JAK1: variants seen among roughly 807,000 people sequenced by gnomAD.
JAK1 encodes tyrosine-protein kinase JAK1.
Under a neutral mutation model 136.6 loss-of-function variants are expected in JAK1, and 16 were observed. The ratio of observed to expected loss-of-function variants is 0.12; its 90% CI spans 0.08 to 0.18. The LOEUF (loss-of-function observed/expected upper bound fraction) is 0.18, where lower values mean the gene tolerates loss of function less well. Ranked by LOEUF, JAK1 falls within the 10% of genes least tolerant of loss-of-function variation. The pLI is 1.00. For missense variants in JAK1, 859 were observed against 1,450.1 expected (o/e 0.59, Z 6.62); for synonymous variants, 492 against 519.5 (o/e 0.95, Z 0.72).
intron 23 of JAK1, 149 bp downstream of exon 23, chr1:64,835,949 C>T: frequency 1.6e-6 from 1 of 631,810 alleles, no homozygotes; most frequent in Non-Finnish European, 2.9e-6. Flanking sequence ...AAATAACTGT[C>T]AAGTAGCAAA....
chr1:64,886,322 A>C lies in JAK1; in HGVS notation c.-58T>G. The C allele has an allele frequency of 6.4e-7, 1 of 1,569,094 alleles. No individual in the cohort carries two copies. ...AACTGGATTTTCTTCTCTACTTTCCAAAGCTACTTCAGAGAAGCGCTAAAG... is the reference window on the plus strand; with the variant it reads ...AACTGGATTTTCTTCTCTACTTTCCCAAGCTACTTCAGAGAAGCGCTAAAG... On this transcript the variant is annotated 5_prime_UTR_variant, in exon 2 of 25. Coordinates refer to ENST00000342505, the MANE Select transcript of JAK1 (RefSeq NM_002227.4).
chr1:65,028,708 T>C (rs2100808952), intron 2 of JAK1, among the ~76,000 whole-genome samples: 1 of 152,340 alleles, frequency 6.6e-6, no homozygotes, highest in Admixed American at 6.5e-5. Context: ...CTAATTGTAT[T>C]CTTTTTATCA....
At chr1:64,881,104 T>C (rs937040065) in intron 3 of JAK1, among the ~76,000 whole-genome samples, 4 of 151,646 alleles carry the variant, frequency 2.6e-5, no homozygotes, top group African/African-American at 9.7e-5. Context: ...CCTCCATAAA[T>C]AATAAAAATG....
intron 2 of JAK1, among the ~76,000 whole-genome samples, chr1:65,000,872 G>A (rs925330936): frequency 2.6e-5 from 4 of 151,412 alleles, no homozygotes; most frequent in Admixed American, 6.6e-5. Context: ...GTGGGGGGGC[G>A]GTTGGATTTT....
At chr1:64,913,705 A>AGGGAGGG (rs1645336717) in intron 1 of JAK1, among the ~76,000 whole-genome samples, 1 of 35,718 alleles carries the variant, frequency 2.8e-5, no homozygotes, top group African/African-American at 1.3e-4. Flanking sequence ...GGAAGGAAAG[A>AGGGAGGG]AGGGAGGGAG....
chr1:64,833,319 G>T lies in JAK1; in HGVS notation c.*1243C>A, dbSNP rs1654244642. 1 of 232,372 alleles carries T rather than the reference G, an allele frequency of 4.3e-6. No individual in the cohort carries two copies. The highest frequency in any genetic ancestry group is 5.6e-5 in the Admixed American group (1 of 17,724). 14.4% of individuals were successfully genotyped at this position (232,372 alleles called of 1,614,324 possible). A position where few individuals can be genotyped will look rare whatever the true frequency, so the allele number is the denominator to read the frequency against. On this transcript the variant is annotated 3_prime_UTR_variant, in exon 25 of 25. Transcript: ENST00000342505. ...TGACACAGAGACCTTGGTGATGTAGGCTATGAACAAATTTAAATGGCAACT... is the reference window on the plus strand; with the variant it reads ...TGACACAGAGACCTTGGTGATGTAGTCTATGAACAAATTTAAATGGCAACT...
chr1:64,933,857 T>A (rs1216813747), intron 1 of JAK1, among the ~76,000 whole-genome samples: 2 of 152,228 alleles, frequency 1.3e-5, no homozygotes, highest in African/African-American at 2.4e-5. Flanking sequence ...AAATTCACAC[T>A]GTTTCATACT....
At chr1:64,877,906 G>A (rs578164895) in intron 4 of JAK1, among the ~76,000 whole-genome samples, 1 of 152,172 alleles carries the variant, frequency 6.6e-6, no homozygotes, top group African/African-American at 2.4e-5. Flanking sequence ...CTCCAGGTGA[G>A]ACTTTGGTTA....
intron 6 of JAK1, among the ~76,000 whole-genome samples, chr1:64,867,814 A>G (rs1363434968): frequency 6.6e-6 from 1 of 152,156 alleles, no homozygotes; most frequent in African/African-American, 2.4e-5. Flanking sequence ...AACATGGAGA[A>G]ACCCCATCTG....
At chr1:65,056,586 C>A (rs1647550239) in intron 1 of JAK1, among the ~76,000 whole-genome samples, 1 of 152,140 alleles carries the variant, frequency 6.6e-6, no homozygotes, top group Non-Finnish European at 1.5e-5. Flanking sequence ...CTAAGACATG[C>A]AGTTGGCAGG....
chr1:64,863,399 T>C (rs1169421459), intron 8 of JAK1, among the ~76,000 whole-genome samples: 2 of 152,194 alleles, frequency 1.3e-5, no homozygotes, highest in Non-Finnish European at 2.9e-5. Context: ...ATATCCAGGA[T>C]GTGCTCCATC....
chr1:64,888,480 A>T (rs1412290471), intron 1 of JAK1, among the ~76,000 whole-genome samples: 1 of 152,196 alleles, frequency 6.6e-6, no homozygotes, highest in African/African-American at 2.4e-5. Flanking sequence ...ACACCTGGCC[A>T]GAACTTAAAA....
intron 3 of JAK1, among the ~76,000 whole-genome samples, chr1:64,879,444 C>T (rs2780830): frequency 0.63 from 95,903 of 151,942 alleles, 33,123 homozygotes; most frequent in East Asian, 0.9. Context: ...CGTCACAGAG[C>T]CTTATCAAAT....
At chr1:65,065,607 G>A (rs187392084) in intron 1 of JAK1, among the ~76,000 whole-genome samples, 72 of 151,486 alleles carry the variant, frequency 4.8e-4, no homozygotes, top group African/African-American at 1.6e-3. Context: ...GAGACCCTTG[G>A]GTCCCTGCTC....
chr1:64,971,764 G>A (rs967819405), intron 2 of JAK1, among the ~76,000 whole-genome samples: 1 of 152,102 alleles, frequency 6.6e-6, no homozygotes, highest in African/African-American at 2.4e-5. Context: ...TCGCTATGTT[G>A]GCCAGGCTGG....
intron 2 of JAK1, among the ~76,000 whole-genome samples, chr1:65,039,370 G>T (rs1272975543): frequency 6.6e-6 from 1 of 152,114 alleles, no homozygotes; most frequent in Non-Finnish European, 1.5e-5. Context: ...AATAGATAAT[G>T]CTTATCCAAT....
chr1:65,019,950 G>A (rs1257597960), intron 2 of JAK1, among the ~76,000 whole-genome samples: 2 of 151,214 alleles, frequency 1.3e-5, no homozygotes, highest in East Asian at 3.9e-4. Flanking sequence ...AGAAGGCAGA[G>A]CGTGGTGGCT....
chr1:64,934,558 G>A (rs1645755475), intron 1 of JAK1, among the ~76,000 whole-genome samples: 1 of 152,232 alleles, frequency 6.6e-6, no homozygotes, highest in South Asian at 2.1e-4. Context: ...AGCTCGGGTT[G>A]TGGACCCACA....
chr1:64,952,434 T>C (rs923364888), intron 1 of JAK1, among the ~76,000 whole-genome samples: 3 of 152,244 alleles, frequency 2.0e-5, no homozygotes, highest in African/African-American at 7.2e-5. Flanking sequence ...GCATTTTATA[T>C]AGTTTTTTCA....
Sources: allele counts gnomAD v4.1 joint callset (sites outside exome capture counted in the v4.1 genomes callset), GRCh38; gene constraint gnomAD v4.1.1; transcripts MANE v1.5; gene names NCBI Gene and HGNC (gene_info 2026-07-23, HGNC 2026-07-21).